The following COG5 variants were observed in gnomAD, a reference collection of about 807,000 sequenced individuals.
The protein encoded by COG5 is conserved oligomeric Golgi complex subunit 5.
COG5 carries 86 observed loss-of-function variants against 110.4 expected under a neutral mutation model. The observed-to-expected ratio is 0.78, with a 90% CI of 0.65 to 0.93. The LOEUF (loss-of-function observed/expected upper bound fraction) is 0.93. Ranked by LOEUF, COG5 falls within the 40% of genes least tolerant of loss-of-function variation. COG5 has a pLI of 0.00. For missense variants in COG5, 1,077 were observed against 987.0 expected (o/e 1.09, Z -1.22); for synonymous variants, 360 against 334.6 (o/e 1.08, Z -0.83).
At chr7:107,335,827 A>G (rs1211826921) in intron 10 of COG5, among the ~76,000 whole-genome samples, 1 of 152,172 alleles carries the variant, frequency 6.6e-6, no homozygotes, top group African/African-American at 2.4e-5. Context: ...AACTATACTT[A>G]TATCAGATAA....
intron 16 of COG5, among the ~76,000 whole-genome samples, chr7:107,250,645 C>T (rs79543528): frequency 0.16 from 23,737 of 151,530 alleles, 2,310 homozygotes; most frequent in Non-Finnish European, 0.22. Flanking sequence ...AAAATATGCA[C>T]ACAATAAATA....
intron 5 of COG5, among the ~76,000 whole-genome samples, chr7:107,536,663 A>C (rs562509593): frequency 6.6e-6 from 1 of 152,236 alleles, no homozygotes; most frequent in Non-Finnish European, 1.5e-5. Flanking sequence ...GGAAGAATCA[A>C]TATCATGAAA....
chr7:107,422,108 A>G (rs1223809368), intron 6 of COG5, among the ~76,000 whole-genome samples: 1 of 152,206 alleles, frequency 6.6e-6, no homozygotes, highest in African/African-American at 2.4e-5. Flanking sequence ...GATGAAATCA[A>G]TGAAATTGAA....
chr7:107,412,580 A>C lies in COG5; in HGVS notation c.591T>G (p.Asp197Glu). 6.3e-7 allele frequency: 1 copy of C among 1,594,414 alleles called. No individual in the cohort carries two copies. Among genetic ancestry groups the C allele is most frequent in the Non-Finnish European group, 8.6e-7 (1 of 1,162,774 alleles). The change falls in exon 7 of 22, where the codon GAT becomes GAG. Residue 197 changes from aspartate (D) to glutamate (E), a missense_variant. By Grantham distance (45) the Asp-to-Glu change is conservative. Coordinates refer to ENST00000297135, the MANE Select transcript of COG5 (RefSeq NM_006348.5). Reference sequence around the variant, plus strand: ...GTCGGGCTCTTGCAATAAAAAGTAGATCATTTTCTATCACTTCTATTCCAG... The same window carrying C: ...GTCGGGCTCTTGCAATAAAAAGTAGCTCATTTTCTATCACTTCTATTCCAG... Reference protein sequence around the residue: ...DLSGIEVIENDLLFIARARLE... With the variant: ...DLSGIEVIENELLFIARARLE...
At chr7:107,513,601 A>T (rs557997717) in intron 6 of COG5, among the ~76,000 whole-genome samples, 1 of 152,354 alleles carries the variant, frequency 6.6e-6, no homozygotes, top group East Asian at 1.9e-4. Flanking sequence ...ATGCACACGT[A>T]TGTTTACTGT....
At chr7:107,239,768 C>G (rs1253448592) in intron 17 of COG5, among the ~76,000 whole-genome samples, 1 of 152,152 alleles carries the variant, frequency 6.6e-6, no homozygotes, top group Non-Finnish European at 1.5e-5. Context: ...GTTTAAGTTC[C>G]ACATATTTGT....
intron 11 of COG5, among the ~76,000 whole-genome samples, chr7:107,309,205 G>A (rs1019704396): frequency 6.6e-6 from 1 of 151,902 alleles, no homozygotes; most frequent in African/African-American, 2.4e-5. Flanking sequence ...CTCTCATGCT[G>A]AAAATGCTAT....
rs140988189 is a variant in COG5, at chr7:107,285,407, G to A, written c.1314-1675C>T. ...GAATTATAAGAACTAACACTTTCCC[G>A]TTCTCCAAATCTACCGTTAAAGATC... On this transcript the variant is annotated intron_variant, in intron 12 of 21. Transcript: ENST00000297135. Among the ~76,000 whole-genome samples, 19 of 152,192 alleles carry A rather than the reference G, an allele frequency of 1.2e-4. No individual in the cohort carries two copies. In the East Asian group the frequency reaches 2.5e-3, roughly 20 times the overall value.
chr7:107,223,219 G>C (rs751866829), intron 19 of COG5, among the ~76,000 whole-genome samples: 9 of 152,158 alleles, frequency 5.9e-5, no homozygotes, highest in Non-Finnish European at 1.2e-4. Flanking sequence ...CCCTTTGTGG[G>C]GCAGGGCACA....
At chr7:107,301,924 T>C (rs1807301995) in intron 11 of COG5, among the ~76,000 whole-genome samples, 1 of 152,176 alleles carries the variant, frequency 6.6e-6, no homozygotes, top group Non-Finnish European at 1.5e-5. Flanking sequence ...AGAACTCTTG[T>C]ATAGCTTGTG....
intron 5 of COG5, among the ~76,000 whole-genome samples, chr7:107,540,948 C>CA (rs1247453762): frequency 2.0e-5 from 3 of 151,848 alleles, no homozygotes; most frequent in Non-Finnish European, 4.4e-5. Context: ...GTCAAGAGTT[C>CA]AAGACCAGCC....
At chr7:107,370,055 C>T (rs971399085) in intron 8 of COG5, among the ~76,000 whole-genome samples, 3 of 151,940 alleles carry the variant, frequency 2.0e-5, no homozygotes, top group African/African-American at 7.2e-5. Context: ...GAGTTACAGG[C>T]TGTTTACTTT....
At chr7:107,213,624 G>T (rs1406385523) in intron 19 of COG5, among the ~76,000 whole-genome samples, 2 of 152,212 alleles carry the variant, frequency 1.3e-5, no homozygotes, top group African/African-American at 4.8e-5. Context: ...TTGCTGGAAG[G>T]TGAAGCTCAG....
At chr7:107,351,463 T>C (rs951463886) in intron 10 of COG5, among the ~76,000 whole-genome samples, 3 of 152,050 alleles carry the variant, frequency 2.0e-5, no homozygotes, top group Admixed American at 2.0e-4. Flanking sequence ...ACAAATGGGA[T>C]CTAATTAAAC....
intron 2 of COG5, among the ~76,000 whole-genome samples, chr7:107,556,704 A>C (rs967179532): frequency 6.6e-6 from 1 of 152,006 alleles, no homozygotes; most frequent in Non-Finnish European, 1.5e-5. Context: ...AGAGCCAAGA[A>C]ATGTATTCTA....
chr7:107,266,662 C>G (rs985830653), intron 14 of COG5, among the ~76,000 whole-genome samples: 1 of 151,988 alleles, frequency 6.6e-6, no homozygotes, highest in Non-Finnish European at 1.5e-5. Flanking sequence ...TAAACTTTCT[C>G]TTTTTTGATC....
At chr7:107,404,259 A>T (rs1319284888) in intron 7 of COG5, among the ~76,000 whole-genome samples, 1 of 152,196 alleles carries the variant, frequency 6.6e-6, no homozygotes, top group African/African-American at 2.4e-5. Flanking sequence ...TTAATGTCAG[A>T]AATTAATTAT....
At chr7:107,510,990 A>G (rs892339179) in intron 6 of COG5, among the ~76,000 whole-genome samples, 8 of 152,044 alleles carry the variant, frequency 5.3e-5, no homozygotes, top group Middle Eastern at 3.4e-3. Context: ...AAGAACTAGA[A>G]AAGCAAGAGC....
intron 10 of COG5, among the ~76,000 whole-genome samples, chr7:107,355,633 C>A (rs776800671): frequency 2.0e-5 from 3 of 152,170 alleles, no homozygotes; most frequent in East Asian, 1.9e-4. Flanking sequence ...ATTGAAGGAA[C>A]CTTAAACGCA....
Sources: gnomAD v4.1 joint callset for allele counts (sites outside exome capture counted in the v4.1 genomes callset) on GRCh38, gnomAD v4.1.1 for gene constraint, MANE v1.5 for transcripts, NCBI Gene and HGNC (gene_info 2026-07-23, HGNC 2026-07-21) for gene names.